Variants in AUTS2 observed in about 807,000 individuals in gnomAD.
The protein encoded by AUTS2 is autism susceptibility gene 2 protein.
AUTS2 carries 17 observed loss-of-function variants against 112.4 expected under a neutral mutation model. The ratio of observed to expected loss-of-function variants is 0.15; its 90% confidence interval spans 0.10 to 0.23. The LOEUF (loss-of-function observed/expected upper bound fraction) is 0.23. Among genes scored for constraint, AUTS2 ranks in the 10% least tolerant of loss-of-function variants. AUTS2 has a pLI of 1.00. For missense variants in AUTS2, 1,510 were observed against 1,701.6 expected (o/e 0.89, Z 1.98); for synonymous variants, 751 against 702.7 (o/e 1.07, Z -1.09).
chr7:70,152,945 T>G (rs916031955), intron 4 of AUTS2, among the ~76,000 whole-genome samples: 8 of 152,184 alleles, frequency 5.3e-5, no homozygotes, highest in African/African-American at 1.9e-4. Context: ...TAAACTCTAG[T>G]TTCTCTTTAG....
intron 2 of AUTS2, among the ~76,000 whole-genome samples, chr7:70,055,123 A>G (rs1051458722): frequency 6.6e-6 from 1 of 152,150 alleles, no homozygotes; most frequent in African/African-American, 2.4e-5. Flanking sequence ...ATTCAGAGTC[A>G]TGCCTTTTTA....
At chr7:70,488,793 G>A (rs917975755) in intron 5 of AUTS2, among the ~76,000 whole-genome samples, 5 of 152,128 alleles carry the variant, frequency 3.3e-5, no homozygotes, top group African/African-American at 1.2e-4. Flanking sequence ...GAAGAAGGAA[G>A]CACTGGAACC....
intron 5 of AUTS2, among the ~76,000 whole-genome samples, chr7:70,540,845 C>T (rs1351391953): frequency 6.6e-6 from 1 of 152,176 alleles, no homozygotes; most frequent in Admixed American, 6.5e-5. Context: ...TTGATTAGCA[C>T]TCAGGAAAGG....
chr7:70,785,893 G>A (rs1791430976), intron 16 of AUTS2, 62 bp from the exon 17 acceptor site: 1 of 1,523,388 alleles, frequency 6.6e-7, no homozygotes, highest in Non-Finnish European at 9.1e-7. Flanking sequence ...CTCCCAGGAA[G>A]CTCTGGGTTC....
chr7:70,685,356 C>T (rs1222145923), intron 5 of AUTS2, among the ~76,000 whole-genome samples: 7 of 151,518 alleles, frequency 4.6e-5, no homozygotes, highest in African/African-American at 1.7e-4. Context: ...CCCTGTAGAC[C>T]CAGCTTCTCA....
At chr7:70,500,947 T>A (rs1798749612) in intron 5 of AUTS2, among the ~76,000 whole-genome samples, 1 of 152,058 alleles carries the variant, frequency 6.6e-6, no homozygotes, top group Non-Finnish European at 1.5e-5. Flanking sequence ...GGTCTCGAAC[T>A]CCTGACCTCA....
intron 5 of AUTS2, among the ~76,000 whole-genome samples, chr7:70,461,741 G>A (rs2115573714): frequency 6.6e-6 from 1 of 152,202 alleles, no homozygotes; most frequent in African/African-American, 2.4e-5. Flanking sequence ...ACAAGGGTGT[G>A]GTAGGATAGA....
intron 1 of AUTS2, among the ~76,000 whole-genome samples, chr7:69,665,098 G>C (rs1795970805): frequency 6.6e-6 from 1 of 152,076 alleles, no homozygotes; most frequent in Non-Finnish European, 1.5e-5. Context: ...GTATAGCTGT[G>C]GCTCCTGAAA....
chr7:69,767,984 G>A (rs1277678257), intron 1 of AUTS2, among the ~76,000 whole-genome samples: 1 of 152,182 alleles, frequency 6.6e-6, no homozygotes, highest in African/African-American at 2.4e-5. Flanking sequence ...CCAGTGTATT[G>A]TAATTACTTC....
intron 2 of AUTS2, among the ~76,000 whole-genome samples, chr7:70,003,593 AAT>A (rs1217380169): frequency 4.0e-5 from 5 of 124,258 alleles, no homozygotes; most frequent in Non-Finnish European, 7.8e-5. Flanking sequence ...AATATATATG[AAT>A]ATGTTATATA....
At chr7:70,589,582 C>CA (rs1163777619) in intron 5 of AUTS2, among the ~76,000 whole-genome samples, 1 of 152,142 alleles carries the variant, frequency 6.6e-6, no homozygotes, top group African/African-American at 2.4e-5. Flanking sequence ...GATGCGGTGG[C>CA]AGACGCCTGT....
At chr7:70,094,965 G>T (rs1279416923) in intron 2 of AUTS2, among the ~76,000 whole-genome samples, 2 of 152,168 alleles carry the variant, frequency 1.3e-5, no homozygotes, top group African/African-American at 2.4e-5. Context: ...GCTTTTGGAA[G>T]TGGGTGCAAT....
At chr7:70,594,033 T>C (rs1803078226) in intron 5 of AUTS2, among the ~76,000 whole-genome samples, 2 of 152,136 alleles carry the variant, frequency 1.3e-5, no homozygotes, top group Admixed American at 6.5e-5. Context: ...TGTTGTGCCC[T>C]CAAGTGTTGA....
intron 6 of AUTS2, among the ~76,000 whole-genome samples, chr7:70,707,535 G>C (rs1011761331): frequency 6.6e-6 from 1 of 152,074 alleles, no homozygotes; most frequent in Non-Finnish European, 1.5e-5. Context: ...AATTCGGATT[G>C]GGGGAAACTG....
intron 2 of AUTS2, among the ~76,000 whole-genome samples, chr7:69,958,333 T>C (rs1487496420): frequency 1.3e-5 from 2 of 152,188 alleles, no homozygotes; most frequent in African/African-American, 4.8e-5. Flanking sequence ...GTATTTACTT[T>C]CTGGCCCTTT....
intron 4 of AUTS2, among the ~76,000 whole-genome samples, chr7:70,316,004 A>G (rs2129616692): frequency 6.6e-6 from 1 of 152,300 alleles, no homozygotes; most frequent in African/African-American, 2.4e-5. Context: ...TTCATAGCCA[A>G]TCTGTAGCTC....
chr7:70,357,350 T>A (rs1792057280), intron 4 of AUTS2, among the ~76,000 whole-genome samples: 1 of 152,176 alleles, frequency 6.6e-6, no homozygotes, highest in Non-Finnish European at 1.5e-5. Context: ...CCTCCCTTAT[T>A]TGTTGAAAGT....
At chr7:70,655,548 G>C (rs1325393196) in intron 5 of AUTS2, among the ~76,000 whole-genome samples, 1 of 152,208 alleles carries the variant, frequency 6.6e-6, no homozygotes, top group Non-Finnish European at 1.5e-5. Flanking sequence ...CGGTAAGGGG[G>C]TGAGCATAAA....
intron 1 of AUTS2, among the ~76,000 whole-genome samples, chr7:69,849,353 A>G (rs1315781093): frequency 6.6e-6 from 1 of 152,244 alleles, no homozygotes. Flanking sequence ...AATAATATAG[A>G]GAGATCCAGG....
Sources: allele counts gnomAD v4.1 joint callset (sites outside exome capture counted in the v4.1 genomes callset), GRCh38; gene constraint gnomAD v4.1.1; transcripts MANE v1.5; gene names NCBI Gene and HGNC (gene_info 2026-07-23, HGNC 2026-07-21).